Variants in HECTD4 observed in about 807,000 individuals in gnomAD.
HECTD4 encodes HECT domain E3 ubiquitin protein ligase 4, also known as probable E3 ubiquitin-protein ligase HECTD4.
A neutral mutation model predicts 471.5 loss-of-function variants in HECTD4; 114 were observed. The ratio of observed to expected loss-of-function variants is 0.24; its 90% CI spans 0.21 to 0.28. The LOEUF (loss-of-function observed/expected upper bound fraction) is 0.28. HECTD4 is among the 10% of genes least tolerant of loss of function. HECTD4 has a pLI of 1.00. For missense variants in HECTD4, 3,866 were observed against 5,651.5 expected (o/e 0.68, Z 10.13); for synonymous variants, 2,012 against 2,256.0 (o/e 0.89, Z 3.07).
rs2031786595 is a variant in HECTD4 at position 112,184,455 on chromosome 12, A to C, written c.10511T>G (p.Val3504Gly). The C allele has an allele frequency of 1.2e-6, 2 of 1,605,536 alleles. No homozygotes were observed. Among genetic ancestry groups the C allele is most frequent in the Non-Finnish European group, 8.5e-7 (1 of 1,176,720 alleles). Residue 3504 changes from valine (V) to glycine (G), a missense_variant, in exon 61 of 76, where the codon GTC becomes GGC. Val to Gly is a moderately radical substitution (Grantham distance 109, BLOSUM62 -3). Transcript: ENST00000682272. This position sits in a 1 kb window ranked among gnomAD's most constrained non-coding sequence, Gnocchi z 9.1. Reference sequence around the variant, plus strand: ...CAGCGGATCCACAGAGAGGTCGCTGACGGTTTGGGAGATGCCCTGCGAGCT... The same window carrying C: ...CAGCGGATCCACAGAGAGGTCGCTGCCGGTTTGGGAGATGCCCTGCGAGCT... The part of the protein sequence containing the change: ...ICSSQGISQT[V>G]SDLSVDPLPA...
chr12:112,193,475 G>A lies in HECTD4; in HGVS notation c.8949C>T (p.Phe2983=), dbSNP rs769080312. ...ATGAGCTTTAGACTTCTACCTGCAGGAAAGAGCAGATCTGTTTCGTCAGCT... is the reference window on the plus strand; with the variant it reads ...ATGAGCTTTAGACTTCTACCTGCAGAAAAGAGCAGATCTGTTTCGTCAGCT... ...LLELTKQICS[F]LQTAPEQFPS... Residue 2983 remains phenylalanine (F), a synonymous_variant, in exon 57 of 76, where the codon TTC becomes TTT. Coordinates refer to ENST00000682272, the MANE Select transcript of HECTD4 (RefSeq NM_001388303.1). The surrounding 1 kb of genome is among the most constrained non-coding windows in gnomAD (Gnocchi z 5.2). The A allele has an allele frequency of 5.0e-6, 8 of 1,607,424 alleles. No individual in the cohort carries two copies. Among genetic ancestry groups the A allele is most frequent in the Non-Finnish European group, 6.8e-6 (8 of 1,176,904 alleles).
In HECTD4 at chr12:112,235,323, T is replaced by C; in HGVS notation, c.5726-57A>G. Reference sequence around the variant, plus strand: ...AACTGCAGTGTTGTTTTGGCGGCTCTGCTAAAATGAAAAATAATGGTTTGG... The same window carrying C: ...AACTGCAGTGTTGTTTTGGCGGCTCCGCTAAAATGAAAAATAATGGTTTGG... On this transcript the variant is annotated intron_variant, in intron 36 of 75. Coordinates refer to ENST00000682272, the MANE Select transcript of HECTD4 (RefSeq NM_001388303.1). The surrounding 1 kb of genome is among the most constrained non-coding windows in gnomAD (Gnocchi z 5.0). The C allele has an allele frequency of 2.6e-6, 4 of 1,549,868 alleles. No individual in the cohort carries two copies. Among genetic ancestry groups the C allele is most frequent in the Non-Finnish European group, 3.5e-6 (4 of 1,143,992 alleles).
chr12:112,302,351 T>C (rs2035182878), intron 7 of HECTD4: 1 of 757,818 alleles, frequency 1.3e-6, no homozygotes, highest in African/African-American at 1.7e-5. Context: ...CTTCTCTTGC[T>C]TTGTCTCTGG....
chr12:112,347,428 G>C (rs575932422), intron 1 of HECTD4, among the ~76,000 whole-genome samples: 1 of 152,266 alleles, frequency 6.6e-6, no homozygotes, highest in Admixed American at 6.5e-5. Flanking sequence ...AGAATCGCTT[G>C]CAACCCGGGA....
chr12:112,257,472 G>C (rs553646533), intron 20 of HECTD4, among the ~76,000 whole-genome samples: 2 of 152,290 alleles, frequency 1.3e-5, no homozygotes, highest in South Asian at 4.1e-4. Context: ...AACTTGATAA[G>C]TTTGGACATT....
chr12:112,216,784 A>G lies in HECTD4; in HGVS notation c.7374T>C (p.Cys2458=), dbSNP rs770116755. 1.4e-5 allele frequency: 22 copies of G among 1,613,500 alleles called. No homozygotes were observed. The highest frequency in any genetic ancestry group is 1.9e-5 in the Non-Finnish European group (22 of 1,179,440). The change falls in exon 47 of 76, where the codon TGT becomes TGC. Residue 2458 remains cysteine (C), a synonymous_variant. Coordinates refer to ENST00000682272, the MANE Select transcript of HECTD4 (RefSeq NM_001388303.1). ...CTTCTTTTACTTACTTATGGAAAAG[A>G]CAAGTGCCCACTGGATTAGTCCAAG... ...DGAWTNPVGT[C]LFHNNGRAVH...
intron 1 of HECTD4, chr12:112,323,033 GA>G: frequency 4.9e-6 from 1 of 202,516 alleles, no homozygotes; most frequent in Non-Finnish European, 9.8e-6. Context: ...AAGGCTGCAT[GA>G]AAAGATGCAA....
At chr12:112,377,056 G>A (rs1486445923) in intron 1 of HECTD4, among the ~76,000 whole-genome samples, 1 of 152,158 alleles carries the variant, frequency 6.6e-6, no homozygotes, top group South Asian at 2.1e-4. Context: ...AGGCTGCAGT[G>A]AGCAGAGATG....
chr12:112,190,962 A>C lies in HECTD4; in HGVS notation c.9296T>G (p.Val3099Gly). 1 of 1,552,626 alleles carries C rather than the reference A, an allele frequency of 6.4e-7. No individual in the cohort carries two copies. Among genetic ancestry groups the C allele is most frequent in the Non-Finnish European group, 8.7e-7 (1 of 1,148,234 alleles). Residue 3099 changes from valine to glycine, a missense_variant, in exon 60 of 76, where the codon GTG becomes GGG. By Grantham distance (109) the Val-to-Gly change is moderately radical (BLOSUM62 -3). This residue lies in a region of HECTD4 where 364 missense variants were observed against 413.2 expected (regional missense o/e 0.88). Coordinates refer to ENST00000682272, the MANE Select transcript of HECTD4 (RefSeq NM_001388303.1). ...STDRVHIKLGVSPPPGAVLVL... is the reference protein window; with the variant it reads ...STDRVHIKLGGSPPPGAVLVL... ...CAGGACTGCTCCAGGAGGTGGAGAC[A>C]CCCCTGCAAGAAGCACCCAGGAAGA...
intron 10 of HECTD4, among the ~76,000 whole-genome samples, chr12:112,274,102 G>A (rs1472639636): frequency 6.6e-6 from 1 of 152,132 alleles, no homozygotes; most frequent in African/African-American, 2.4e-5. Context: ...AAAAACACAG[G>A]TATAATAGGA....
At chr12:112,304,957 T>C (rs1295633726) in intron 7 of HECTD4, among the ~76,000 whole-genome samples, 1 of 152,188 alleles carries the variant, frequency 6.6e-6, no homozygotes, top group East Asian at 1.9e-4. Flanking sequence ...TTTACAGGAA[T>C]GCTAATTTCT....
chr12:112,165,402 A>C (rs1309864145), intron 72 of HECTD4, among the ~76,000 whole-genome samples: 10 of 138,504 alleles, frequency 7.2e-5, no homozygotes, highest in African/African-American at 2.5e-4. Flanking sequence ...CCCAGGCTGG[A>C]GTGCAGTGGC....
intron 4 of HECTD4, among the ~76,000 whole-genome samples, chr12:112,312,173 T>G (rs1038491758): frequency 6.6e-6 from 1 of 152,248 alleles, no homozygotes; most frequent in Non-Finnish European, 1.5e-5. Context: ...AGAGACTCAC[T>G]TCGTGGAGTT....
chr12:112,381,988 G>C lies in HECTD4; in HGVS notation c.141C>G (p.Ile47Met), dbSNP rs1464027136. The C allele has an allele frequency of 8.2e-7, 1 of 1,224,784 alleles. No individual in the cohort carries two copies. The highest frequency in any genetic ancestry group is 1.6e-5 in the African/African-American group (1 of 64,016). 75.9% of individuals were successfully genotyped at this position (1,224,784 alleles called of 1,614,324 possible). The change falls in exon 1 of 76, where the codon ATC becomes ATG. Residue 47 changes from isoleucine to methionine, a missense_variant. This residue lies in a region of HECTD4 where 440 missense variants were observed against 636.0 expected (regional missense o/e 0.69). Transcript: ENST00000682272. The surrounding 1 kb of genome is among the most constrained non-coding windows in gnomAD (Gnocchi z 4.1). ...VTDLAELPSE[I>M]LGAPEAADTD... Reference sequence around the variant, plus strand: ...TGTCCGCGGCCTCTGGGGCCCCGAGGATCTCGCTGGGCAGCTCGGCCAGGT... The same window carrying C: ...TGTCCGCGGCCTCTGGGGCCCCGAGCATCTCGCTGGGCAGCTCGGCCAGGT...
intron 52 of HECTD4, among the ~76,000 whole-genome samples, chr12:112,207,422 C>T (rs969768755): frequency 0.099 from 15 of 152 alleles, no homozygotes; most frequent in Admixed American, 0.25. Flanking sequence ...GGATTACAGG[C>T]GTGAGCACCA....
chr12:112,379,662 C>T (rs907235212), intron 1 of HECTD4, among the ~76,000 whole-genome samples: 3 of 151,784 alleles, frequency 2.0e-5, no homozygotes, highest in African/African-American at 7.3e-5. Context: ...CCACTGCACT[C>T]TAGCCTGGGC....
At chr12:112,268,598 A>C (rs2034334577) in intron 13 of HECTD4, among the ~76,000 whole-genome samples, 1 of 151,980 alleles carries the variant, frequency 6.6e-6, no homozygotes, top group African/African-American at 2.4e-5. Context: ...TCTACTAAAA[A>C]TACAAAAATT....
intron 1 of HECTD4, among the ~76,000 whole-genome samples, chr12:112,335,464 G>A (rs1190425146): frequency 6.6e-6 from 1 of 152,008 alleles, no homozygotes; most frequent in Non-Finnish European, 1.5e-5. Flanking sequence ...AGGCCGAGGT[G>A]GGCAGATCAC....
chr12:112,361,518 C>G (rs565809027), intron 1 of HECTD4, among the ~76,000 whole-genome samples: 23 of 152,228 alleles, frequency 1.5e-4, no homozygotes, highest in South Asian at 1.5e-3. Context: ...AAGCAATCCT[C>G]CCACCTCAGC....
Sources: allele counts gnomAD v4.1 joint callset (sites outside exome capture counted in the v4.1 genomes callset), GRCh38; gene constraint gnomAD v4.1.1; regional missense constraint gnomAD v4.1.1; non-coding constraint Gnocchi (gnomAD v3.1); transcripts MANE v1.5; gene names NCBI Gene and HGNC (gene_info 2026-07-23, HGNC 2026-07-21).